KLHL3: variants seen among roughly 807,000 people sequenced by gnomAD.
KLHL3 encodes the protein kelch like family member 3.
In KLHL3, 19 loss-of-function variants were observed where a neutral mutation model predicts 70.5. That is an observed-to-expected ratio of 0.27 (90% confidence interval 0.19 to 0.40). KLHL3 has a LOEUF of 0.40. KLHL3 is among the 10% of genes least tolerant of loss of function. KLHL3 has a pLI of 1.00. For missense variants in KLHL3, 512 were observed against 771.1 expected, an observed-to-expected ratio of 0.66 and a Z score of 3.98; for synonymous variants, 258 against 290.3, an observed-to-expected ratio of 0.89 and a Z score of 1.13.
rs535064108 is a variant in KLHL3, at chr5:137,639,007, C to T, written c.1165G>A (p.Ala389Thr). The T allele has an allele frequency of 2.4e-5, 39 of 1,614,182 alleles. No individual in the cohort carries two copies. Among genetic ancestry groups the T allele is most frequent in the Middle Eastern group, 1.6e-4 (1 of 6,062 alleles). The stretch of plus-strand genomic sequence containing the variant: ...TAGAGCAAGTCATTGAGCACCGCTG[C>T]GCCCAGTGTGCTCCGGCGCTCCTGC... Reference protein sequence around the residue: ...SMQERRSTLGAAVLNDLLYAV... With the variant: ...SMQERRSTLGTAVLNDLLYAV... The change falls in exon 10 of 15, where the codon GCA becomes ACA. Residue 389 changes from alanine (A) to threonine (T), a missense_variant. Transcript: ENST00000309755. This position sits in a 1 kb window ranked among gnomAD's most constrained non-coding sequence, Gnocchi z 5.0.
intron 8 of KLHL3, among the ~76,000 whole-genome samples, chr5:137,642,556 T>C (rs1403145222): frequency 1.3e-5 from 2 of 152,214 alleles, no homozygotes; most frequent in South Asian, 4.1e-4. Context: ...TCCATATACT[T>C]ATGTTGCCAG....
At chr5:137,626,643 G>A (rs749761695) in intron 13 of KLHL3, among the ~76,000 whole-genome samples, 27 of 152,148 alleles carry the variant, frequency 1.8e-4, no homozygotes, top group Admixed American at 3.3e-4. Context: ...CTCAAATACT[G>A]GTGAGACGAA....
chr5:137,639,433 G>T lies in KLHL3; in HGVS notation c.1022-283C>A, dbSNP rs892749892. Among the ~76,000 whole-genome samples the T allele has an allele frequency of 1.3e-5, 2 of 152,110 alleles. No individual in the cohort carries two copies. The highest frequency in any genetic ancestry group is 2.4e-5 in the African/African-American group (1 of 41,384). On this transcript the variant is annotated intron_variant, in intron 9 of 14. Transcript: ENST00000309755. This position sits in a 1 kb window ranked among gnomAD's most constrained non-coding sequence, Gnocchi z 5.0. Reference sequence around the variant, plus strand: ...CAAGTGGCCGGGCATGGTAGCTCACGCCTGTAATTCCAGTACCTTGGGAAG... The same window carrying T: ...CAAGTGGCCGGGCATGGTAGCTCACTCCTGTAATTCCAGTACCTTGGGAAG...
rs1001682209 is a variant in KLHL3, at chr5:137,621,382, T to A, written c.*716A>T. 2.6e-5 allele frequency: 4 copies of A among 152,630 alleles called. No individual in the cohort carries two copies. The highest frequency in any genetic ancestry group is 9.6e-5 in the African/African-American group (4 of 41,570). 9.5% of individuals were successfully genotyped at this position (152,630 alleles called of 1,614,324 possible). On this transcript the variant is annotated 3_prime_UTR_variant, in exon 15 of 15. Coordinates refer to ENST00000309755, the MANE Select transcript of KLHL3 (RefSeq NM_017415.3). ...AAACCTGAAGACTGGGCAGTTCTCA[T>A]CTGCTTCCTGTAGGAGAACTCAAGG...
At chr5:137,664,626 G>A (rs548664153) in intron 6 of KLHL3, among the ~76,000 whole-genome samples, 1 of 150,748 alleles carries the variant, frequency 6.6e-6, no homozygotes, top group Non-Finnish European at 1.5e-5. Context: ...AGACCAGCCT[G>A]AGAAACTTAG....
intron 8 of KLHL3, among the ~76,000 whole-genome samples, chr5:137,642,984 A>C (rs1253265033): frequency 6.6e-6 from 1 of 152,218 alleles, no homozygotes; most frequent in African/African-American, 2.4e-5. Context: ...ATCTCTGAGA[A>C]TTTTCACAGA....
intron 12 of KLHL3, among the ~76,000 whole-genome samples, chr5:137,630,254 T>C (rs768235556): frequency 1.3e-5 from 2 of 152,148 alleles, no homozygotes; most frequent in Non-Finnish European, 2.9e-5. Flanking sequence ...TCAAGGTCAG[T>C]GTGCCTCCCA....
At chr5:137,660,748 G>C (rs1469184131) in intron 7 of KLHL3, 1 of 152,198 alleles carries the variant, frequency 6.6e-6, no homozygotes, top group African/African-American at 2.4e-5. Flanking sequence ...TACAGAGTAA[G>C]ATCAGTAACA....
chr5:137,656,707 C>A (rs763432031), intron 8 of KLHL3, among the ~76,000 whole-genome samples: 38 of 152,248 alleles, frequency 2.5e-4, no homozygotes, highest in Non-Finnish European at 4.4e-4. Context: ...CCTTGCCTTG[C>A]GGCTGTGCCT....
chr5:137,718,287 TA>T (rs1410144495), intron 2 of KLHL3, among the ~76,000 whole-genome samples: 1 of 152,172 alleles, frequency 6.6e-6, no homozygotes, highest in Non-Finnish European at 1.5e-5. Context: ...AAAAACCTAG[TA>T]ACTTGTAACA....
intron 11 of KLHL3, among the ~76,000 whole-genome samples, chr5:137,635,399 C>G (rs1750742534): frequency 6.6e-6 from 1 of 152,156 alleles, no homozygotes; most frequent in South Asian, 2.1e-4. Flanking sequence ...ATGGTATGTG[C>G]TGGTTCAGAT....
intron 8 of KLHL3, among the ~76,000 whole-genome samples, chr5:137,657,318 C>T (rs1296467316): frequency 2.0e-5 from 3 of 152,190 alleles, no homozygotes; most frequent in African/African-American, 4.8e-5. Flanking sequence ...CTCCTCTCCT[C>T]CCACCTTTCC....
rs180992268 is a variant in KLHL3 at position 137,695,281 on chromosome 5, A to G, written c.364-2834T>C. Among the ~76,000 whole-genome samples the G allele has an allele frequency of 6.6e-4, 101 of 152,292 alleles. 1 individual carries two copies. The highest frequency in any genetic ancestry group is 2.3e-3 in the African/African-American group (95 of 41,556). On this transcript the variant is annotated intron_variant, in intron 4 of 14. Transcript: ENST00000309755. Reference sequence around the variant, plus strand: ...AATACCCACTTAGTAGGCAAAAATTATAAGGCTTTCTACCTCTCCACACCC... The same window carrying G: ...AATACCCACTTAGTAGGCAAAAATTGTAAGGCTTTCTACCTCTCCACACCC...
At chr5:137,711,180 A>G (rs1390811412) in intron 2 of KLHL3, among the ~76,000 whole-genome samples, 1 of 152,244 alleles carries the variant, frequency 6.6e-6, no homozygotes, top group Non-Finnish European at 1.5e-5. Flanking sequence ...AAGAAAAGCT[A>G]CATATTTGCT....
chr5:137,673,260 T>C (rs759161325), intron 6 of KLHL3, among the ~76,000 whole-genome samples: 2 of 152,150 alleles, frequency 1.3e-5, no homozygotes, highest in African/African-American at 2.4e-5. Flanking sequence ...ACTGCATGCA[T>C]TTTACAAGCA....
chr5:137,712,245 T>C (rs918195196), intron 2 of KLHL3, among the ~76,000 whole-genome samples: 2 of 149,728 alleles, frequency 1.3e-5, no homozygotes, highest in East Asian at 2.0e-4. Context: ...GAGTCAGAAA[T>C]GCTGAACAAA....
intron 1 of KLHL3, 97 bp downstream of exon 1, chr5:137,735,536 T>A (rs1753247612): frequency 2.1e-6 from 2 of 944,304 alleles, no homozygotes; most frequent in Non-Finnish European, 3.5e-6. Context: ...CTTCCAACTC[T>A]GCCTAGCCAA....
chr5:137,692,333 C>A lies in KLHL3; in HGVS notation c.478G>T (p.Asp160Tyr), dbSNP rs370088554. The A allele has an allele frequency of 1.2e-6, 2 of 1,613,486 alleles. No individual in the cohort carries two copies. Among genetic ancestry groups the A allele is most frequent in the Admixed American group, 1.7e-5 (1 of 59,996 alleles). Residue 160 changes from aspartate to tyrosine, a missense_variant, in exon 5 of 15, where the codon GAT becomes TAT. Asp to Tyr is a radical substitution (Grantham distance 160). Coordinates refer to ENST00000309755, the MANE Select transcript of KLHL3 (RefSeq NM_017415.3). ...AGAAGGTCAGTGCAGGTGTGTACAT[C>A]TGCAAATGCACGGATGCCCAGGCAA... ...TNCLGIRAFA[D>Y]VHTCTDLLQQ...
At chr5:137,657,957 G>A (rs1192063186) in intron 8 of KLHL3, among the ~76,000 whole-genome samples, 174 bp downstream of exon 8, 2 of 152,208 alleles carry the variant, frequency 1.3e-5, no homozygotes, top group Non-Finnish European at 2.9e-5. Flanking sequence ...GAAGACCCCA[G>A]AAGAGAGAGG....
Sources: allele counts gnomAD v4.1 joint callset (sites outside exome capture counted in the v4.1 genomes callset), GRCh38; gene constraint gnomAD v4.1.1; non-coding constraint Gnocchi (gnomAD v3.1); transcripts MANE v1.5; gene names NCBI Gene and HGNC (gene_info 2026-07-23, HGNC 2026-07-21).